Variants in CAB39 observed in about 807,000 individuals in gnomAD.
CAB39 encodes the protein calcium-binding protein 39.
Under a neutral mutation model 40.0 loss-of-function variants are expected in CAB39, and 8 were observed. That is an observed-to-expected ratio of 0.20 (90% confidence interval 0.12 to 0.36). CAB39 has a LOEUF of 0.36. Ranked by LOEUF, CAB39 falls within the 10% of genes least tolerant of loss-of-function variation. CAB39 has a pLI of 1.00. For missense variants in CAB39, 270 were observed against 401.1 expected (o/e 0.67, Z 2.79); for synonymous variants, 156 against 141.6 (o/e 1.10, Z -0.72).
At chr2:230,769,519 A>T (rs1324328656) in intron 2 of CAB39, among the ~76,000 whole-genome samples, 1 of 152,248 alleles carries the variant, frequency 6.6e-6, no homozygotes, top group Non-Finnish European at 1.5e-5. Context: ...GGTCAAAGAA[A>T]AAGGTCTCAG....
intron 8 of CAB39, chr2:230,818,245 T>A: frequency 2.2e-6 from 1 of 453,498 alleles, no homozygotes; most frequent in South Asian, 4.0e-5. Context: ...TCTGCCCATT[T>A]TATTCTAAAA....
intron 1 of CAB39, among the ~76,000 whole-genome samples, chr2:230,718,271 A>G (rs927165263): frequency 2.0e-5 from 3 of 152,218 alleles, no homozygotes; most frequent in African/African-American, 7.2e-5. Context: ...TTAAGTTCCT[A>G]CTTTGTGATC....
intron 4 of CAB39, among the ~76,000 whole-genome samples, chr2:230,794,767 G>A (rs1025420151): frequency 2.6e-5 from 4 of 152,308 alleles, no homozygotes; most frequent in Admixed American, 2.0e-4. Context: ...CCTAAACCCA[G>A]CTTCAACAGT....
chr2:230,748,831 A>AAAAAAATATATAT (rs1386799920), intron 1 of CAB39, among the ~76,000 whole-genome samples: 13 of 28,504 alleles, frequency 4.6e-4, no homozygotes, highest in Non-Finnish European at 7.6e-4. Flanking sequence ...AAAAAAAAAA[A>AAAAAAATATATAT]ATATATATAT....
At chr2:230,754,195 A>G (rs1695139637) in intron 1 of CAB39, among the ~76,000 whole-genome samples, 1 of 152,150 alleles carries the variant, frequency 6.6e-6, no homozygotes, top group African/African-American at 2.4e-5. Flanking sequence ...TACAGGTAGT[A>G]TCTGGTTACA....
chr2:230,739,046 C>T (rs1180782333), intron 1 of CAB39, among the ~76,000 whole-genome samples: 1 of 152,060 alleles, frequency 6.6e-6, no homozygotes, highest in Non-Finnish European at 1.5e-5. Flanking sequence ...CAAGTTTTCT[C>T]ATTTGTTTAG....
chr2:230,747,974 G>A (rs1228675317), intron 1 of CAB39, among the ~76,000 whole-genome samples: 1 of 152,116 alleles, frequency 6.6e-6, no homozygotes, highest in Non-Finnish European at 1.5e-5. Context: ...GTAATTCCTT[G>A]TCATACCCAG....
chr2:230,773,055 A>C (rs1157067198), intron 2 of CAB39, among the ~76,000 whole-genome samples: 1 of 152,152 alleles, frequency 6.6e-6, no homozygotes, highest in Non-Finnish European at 1.5e-5. Context: ...TATGTTGAAC[A>C]AAAGAAGCCA....
chr2:230,813,437 C>T (rs1696338953), intron 6 of CAB39, among the ~76,000 whole-genome samples: 1 of 152,110 alleles, frequency 6.6e-6, no homozygotes. Context: ...CTCTTTTCTC[C>T]CCTCCATTTC....
chr2:230,778,161 A>T (rs1178084876), intron 2 of CAB39, among the ~76,000 whole-genome samples: 1 of 152,200 alleles, frequency 6.6e-6, no homozygotes, highest in East Asian at 1.9e-4. Flanking sequence ...TGCTTTCTAT[A>T]TTGAGGTTAG....
At chr2:230,731,302 G>C (rs1374512696) in intron 1 of CAB39, among the ~76,000 whole-genome samples, 1 of 152,208 alleles carries the variant, frequency 6.6e-6, no homozygotes, top group African/African-American at 2.4e-5. Flanking sequence ...CTCATATACT[G>C]CTGGTAGGGC....
intron 7 of CAB39, among the ~76,000 whole-genome samples, chr2:230,817,092 A>G (rs768116473): frequency 6.6e-5 from 10 of 152,236 alleles, no homozygotes; most frequent in Non-Finnish European, 1.0e-4. Context: ...CTCTCCAGAA[A>G]TTAGTAAACC....
intron 1 of CAB39, among the ~76,000 whole-genome samples, chr2:230,729,058 C>T (rs560245842): frequency 6.6e-6 from 1 of 152,264 alleles, no homozygotes; most frequent in Admixed American, 6.5e-5. Context: ...CAATTAATCC[C>T]CTCAGCCTGA....
At chr2:230,754,829 C>G (rs1254883624) in intron 1 of CAB39, among the ~76,000 whole-genome samples, 2 of 152,064 alleles carry the variant, frequency 1.3e-5, no homozygotes, top group African/African-American at 4.8e-5. Context: ...TATTTGTAGT[C>G]TTCTATCGCT....
At chr2:230,764,104 A>G (rs1441656150) in intron 2 of CAB39, among the ~76,000 whole-genome samples, 2 of 152,134 alleles carry the variant, frequency 1.3e-5, no homozygotes, top group Non-Finnish European at 2.9e-5. Flanking sequence ...CGTGGGTGAC[A>G]GAGTAAGACT....
At chr2:230,771,874 T>C (rs1020570207) in intron 2 of CAB39, among the ~76,000 whole-genome samples, 15 of 152,202 alleles carry the variant, frequency 9.9e-5, no homozygotes, top group African/African-American at 3.6e-4. Flanking sequence ...CAATTGGTGC[T>C]GAAACTATTT....
At chr2:230,773,314 A>ATGTGTGTGTG (rs71052549) in intron 2 of CAB39, among the ~76,000 whole-genome samples, 6,989 of 132,566 alleles carry the variant, frequency 0.053, 426 homozygotes, top group African/African-American at 0.14. Context: ...ATATATATAT[A>ATGTGTGTGTG]TGTGTGTGTG....
intron 1 of CAB39, among the ~76,000 whole-genome samples, chr2:230,746,905 A>G (rs1340387110): frequency 6.6e-6 from 1 of 152,240 alleles, no homozygotes; most frequent in African/African-American, 2.4e-5. Flanking sequence ...GACTGTTAAT[A>G]TACAACTTTG....
At chr2:230,729,609 T>G (rs892861000) in intron 1 of CAB39, among the ~76,000 whole-genome samples, 5 of 151,692 alleles carry the variant, frequency 3.3e-5, no homozygotes, top group African/African-American at 1.2e-4. Context: ...AAAAATCAGC[T>G]GGGCGTGGTG....
Sources: allele counts gnomAD v4.1 joint callset (sites outside exome capture counted in the v4.1 genomes callset), GRCh38; gene constraint gnomAD v4.1.1; transcripts MANE v1.5; gene names NCBI Gene and HGNC (gene_info 2026-07-23, HGNC 2026-07-21).